Variants in CX3CR1 observed in about 807,000 individuals in gnomAD.
CX3CR1 encodes C-X3-C motif chemokine receptor 1, also known as CX3C chemokine receptor 1.
For synonymous variants in CX3CR1, 168 were observed against 178.5 expected (o/e 0.94, Z 0.47); for missense variants, 363 against 432.4 (o/e 0.84, Z 1.42).
chr3:39,289,309 G>C, the CX3CR1 span, among the ~76,000 whole-genome samples: 7 of 152,180 alleles, frequency 4.6e-5, no homozygotes, highest in Non-Finnish European at 8.8e-5. Context: ...CTCTTCCTAA[G>C]AGTCTTGGTG....
chr3:39,289,514 C>A, the CX3CR1 span, among the ~76,000 whole-genome samples: 1 of 152,208 alleles, frequency 6.6e-6, no homozygotes, highest in African/African-American at 2.4e-5. Flanking sequence ...TCTTACTCCA[C>A]TTGCTTGGCA....
At chr3:39,285,212 G>GAA (rs4016656), upstream of CX3CR1, among the ~76,000 whole-genome samples, 5 of 115,618 alleles carry the variant, frequency 4.3e-5, no homozygotes, top group East Asian at 2.5e-4. Flanking sequence ...CATTGGTACA[G>GAA]AAAAAAAAAA....
upstream of CX3CR1, chr3:39,281,764 T>A: frequency 8.4e-7 from 1 of 1,194,312 alleles, no homozygotes; most frequent in East Asian, 2.5e-5. Flanking sequence ...CTCTCACCAC[T>A]TCCACTTCCC....
upstream of CX3CR1, among the ~76,000 whole-genome samples, chr3:39,284,028 T>C (rs1036693637): frequency 2.0e-5 from 3 of 151,558 alleles, no homozygotes; most frequent in African/African-American, 7.3e-5. Flanking sequence ...TCTGATGTGA[T>C]TATCACACGT....
At chr3:39,286,296 G>A (rs1451660735), upstream of CX3CR1, 1 of 152,340 alleles carries the variant, frequency 6.6e-6, no homozygotes, top group Non-Finnish European at 1.5e-5. Flanking sequence ...CTGACACGAA[G>A]AGACTAATAA....
intron 1 of CX3CR1, among the ~76,000 whole-genome samples, chr3:39,271,514 C>G (rs987909992): frequency 5.3e-5 from 8 of 152,256 alleles, no homozygotes; most frequent in African/African-American, 1.7e-4. Flanking sequence ...AACACAACCT[C>G]TCATTTCAAC....
the CX3CR1 span, among the ~76,000 whole-genome samples, chr3:39,289,617 A>G: frequency 3.2e-3 from 481 of 152,300 alleles, 1 homozygote; most frequent in African/African-American, 0.011. Flanking sequence ...CTATTCTTAG[A>G]AAAAAATTAA....
upstream of CX3CR1, among the ~76,000 whole-genome samples, chr3:39,284,100 G>A (rs1346057486): frequency 1.3e-5 from 2 of 151,134 alleles, no homozygotes; most frequent in Middle Eastern, 3.2e-3. Flanking sequence ...TATGTACCCC[G>A]CCACACACAA....
At chr3:39,290,755 A>G in the CX3CR1 span, among the ~76,000 whole-genome samples, 1 of 152,058 alleles carries the variant, frequency 6.6e-6, no homozygotes, top group South Asian at 2.1e-4. Context: ...CCTCGTCTCT[A>G]GTAAAAATAC....
chr3:39,265,625 A>G lies in CX3CR1; in HGVS notation c.885T>C (p.Phe295=), dbSNP rs1575205558. 1 of 1,614,204 alleles carries G rather than the reference A, an allele frequency of 6.2e-7. No homozygotes were observed. Among genetic ancestry groups the G allele is most frequent in the Non-Finnish European group, 8.5e-7 (1 of 1,180,024 alleles). The change falls in exon 2 of 2, where the codon TTT becomes TTC. Residue 295 remains phenylalanine, a synonymous_variant. Transcript: ENST00000399220. ...HCCLNPLIYA[F]AGEKFRRYLY... is the part of the protein sequence containing the mutation. ...GGTATCTTCTGAACTTCTCCCCAGC[A>G]AATGCATAGATGAGAGGATTCAGGC... is the stretch of plus-strand genomic sequence containing the variant.
the CX3CR1 span, among the ~76,000 whole-genome samples, chr3:39,290,788 G>A: frequency 6.6e-6 from 1 of 152,018 alleles, no homozygotes; most frequent in African/African-American, 2.4e-5. Flanking sequence ...AGGCATGGTG[G>A]TGGGCGCCTG....
At position 39,265,780 on chromosome 3, in the gene CX3CR1, A is replaced by C; in HGVS notation, c.730T>G (p.Trp244Gly). ...AAAATCATAACGTTGTAGGGTGTCC[A>C]GAAGAGGAAAAACACGATGACCACC... Reference protein sequence around the residue: ...LLVVIVFFLFWTPYNVMIFLE... With the variant: ...LLVVIVFFLFGTPYNVMIFLE... The change falls in exon 2 of 2, where the codon TGG becomes GGG. Residue 244 changes from tryptophan to glycine, a missense_variant. Coordinates refer to ENST00000399220, the MANE Select transcript of CX3CR1 (RefSeq NM_001337.4). The C allele has an allele frequency of 6.2e-7, 1 of 1,614,204 alleles. No homozygotes were observed. The highest frequency in any genetic ancestry group is 8.5e-7 in the Non-Finnish European group (1 of 1,180,020).
intron 1 of CX3CR1, among the ~76,000 whole-genome samples, chr3:39,272,526 G>A (rs527766019): frequency 4.6e-5 from 7 of 151,924 alleles, no homozygotes; most frequent in African/African-American, 1.7e-4. Context: ...TCTTCTTTAG[G>A]TGGCCAGAAT....
intron 1 of CX3CR1, among the ~76,000 whole-genome samples, chr3:39,271,672 G>A (rs2040778665): frequency 6.6e-6 from 1 of 152,218 alleles, no homozygotes; most frequent in Admixed American, 6.5e-5. Context: ...GAAGAGACTT[G>A]TATTCTGTGT....
At chr3:39,284,087 C>T (rs1156302783), upstream of CX3CR1, among the ~76,000 whole-genome samples, 5 of 151,636 alleles carry the variant, frequency 3.3e-5, no homozygotes, top group East Asian at 5.8e-4. Flanking sequence ...CATATACACA[C>T]GCTATGTACC....
rs2040657004 is a variant in CX3CR1 at position 39,263,977 on chromosome 3, A to C, written c.*1465T>G. On this transcript the variant is annotated 3_prime_UTR_variant, in exon 2 of 2. Coordinates refer to ENST00000399220, the MANE Select transcript of CX3CR1 (RefSeq NM_001337.4). Reference sequence around the variant, plus strand: ...TGTTCCAAACGTTTCTAGGGGGGAAAAAAAAGCTGCTCCCATAGCCCTGGC... The same window carrying C: ...TGTTCCAAACGTTTCTAGGGGGGAACAAAAAGCTGCTCCCATAGCCCTGGC... The C allele has an allele frequency of 6.6e-6, 1 of 152,244 alleles. No individual in the cohort carries two copies. Among genetic ancestry groups the C allele is most frequent in the Admixed American group, 6.5e-5 (1 of 15,286 alleles). The allele number at this position is 152,244 out of a possible 1,614,324, so 9.4% of individuals were successfully genotyped here.
intron 1 of CX3CR1, among the ~76,000 whole-genome samples, chr3:39,276,213 G>T (rs1339727081): frequency 6.6e-6 from 1 of 152,214 alleles, no homozygotes; most frequent in African/African-American, 2.4e-5. Flanking sequence ...GAAAGCCAAG[G>T]CTGAAAAGGG....
chr3:39,282,800 G>A (rs2040915759), upstream of CX3CR1, among the ~76,000 whole-genome samples: 3 of 152,208 alleles, frequency 2.0e-5, no homozygotes, highest in South Asian at 6.2e-4. Flanking sequence ...CAGTTGTGCA[G>A]CACTAGGTCT....
At chr3:39,269,815 G>T (rs1234706207) in intron 1 of CX3CR1, among the ~76,000 whole-genome samples, 1 of 152,240 alleles carries the variant, frequency 6.6e-6, no homozygotes, top group Non-Finnish European at 1.5e-5. Context: ...GGTGCATGCA[G>T]TGGGTGCTCA....
Sources: gnomAD v4.1 joint callset for allele counts (sites outside exome capture counted in the v4.1 genomes callset) on GRCh38, gnomAD v4.1.1 for gene constraint, MANE v1.5 for transcripts, NCBI Gene and HGNC (gene_info 2026-07-23, HGNC 2026-07-21) for gene names.